OSBPL10: variants seen among roughly 807,000 people sequenced by gnomAD.
OSBPL10 encodes oxysterol binding protein like 10, also known as oxysterol-binding protein-related protein 10.
OSBPL10 carries 49 observed loss-of-function variants against 81.7 expected under a neutral mutation model. That is an observed-to-expected ratio of 0.60 (90% CI 0.48 to 0.76). The LOEUF (loss-of-function observed/expected upper bound fraction) is 0.76, where lower values mean the gene tolerates loss of function less well. Ranked by LOEUF, OSBPL10 falls within the 30% of genes least tolerant of loss-of-function variation. The pLI, the probability that OSBPL10 is intolerant of heterozygous loss-of-function variation, is 0.00. For synonymous variants in OSBPL10, 419 were observed against 383.6 expected (o/e 1.09, Z -1.08); for missense variants, 923 against 987.8 (o/e 0.93, Z 0.88).
At chr3:31,963,325 C>T (rs1698222641) in intron 1 of OSBPL10, among the ~76,000 whole-genome samples, 1 of 152,038 alleles carries the variant, frequency 6.6e-6, no homozygotes, top group Non-Finnish European at 1.5e-5. Context: ...GTAGACATCT[C>T]CCTTTATTCT....
intron 1 of OSBPL10, among the ~76,000 whole-genome samples, chr3:31,941,342 A>T (rs1210855392): frequency 2.0e-5 from 3 of 152,206 alleles, no homozygotes; most frequent in Non-Finnish European, 4.4e-5. Flanking sequence ...CTTATTGGGT[A>T]AATAAATGAA....
chr3:31,965,228 G>A (rs1323860157), intron 1 of OSBPL10, among the ~76,000 whole-genome samples: 3 of 150,250 alleles, frequency 2.0e-5, no homozygotes, highest in African/African-American at 7.4e-5. Context: ...AAATTAGCCG[G>A]GCGTGGTGGT....
intron 1 of OSBPL10, among the ~76,000 whole-genome samples, chr3:32,055,924 C>A (rs528073163): frequency 6.6e-6 from 1 of 152,264 alleles, no homozygotes; most frequent in African/African-American, 2.4e-5. Context: ...ATGTGTAAAC[C>A]CATGGCTGGC....
chr3:31,758,844 G>A lies in OSBPL10; in HGVS notation c.730-10724C>T, dbSNP rs773910834. On this transcript the variant is annotated intron_variant, in intron 4 of 11. Transcript: ENST00000396556. ...TATGTATATTTGGCCACCTTGTTCAGTATAAATCCTGTCTTATTCTTCCCA... is the reference window on the plus strand; with the variant it reads ...TATGTATATTTGGCCACCTTGTTCAATATAAATCCTGTCTTATTCTTCCCA... Among the ~76,000 whole-genome samples the A allele has an allele frequency of 5.1e-4, 78 of 152,140 alleles. 1 individual carries two copies. The highest frequency in any genetic ancestry group is 2.1e-4 in the Non-Finnish European group (14 of 68,028).
intron 1 of OSBPL10, among the ~76,000 whole-genome samples, chr3:31,884,968 C>T (rs897994597): frequency 1.3e-5 from 2 of 151,900 alleles, no homozygotes; most frequent in Admixed American, 6.6e-5. Flanking sequence ...GGGAAGAAAG[C>T]GAACAAACCC....
chr3:32,029,676 A>G (rs1173429009), intron 2 of OSBPL10, among the ~76,000 whole-genome samples: 1 of 152,236 alleles, frequency 6.6e-6, no homozygotes, highest in African/African-American at 2.4e-5. Flanking sequence ...CAGCTTGACT[A>G]CCAAGGAATC....
chr3:31,907,619 CAAAAAAAAAAAAAAA>C (rs142840420), intron 1 of OSBPL10, among the ~76,000 whole-genome samples: 29 of 63,864 alleles, frequency 4.5e-4, no homozygotes, highest in African/African-American at 1.1e-3. Context: ...ACCTCCATCT[CAAAAAAAAAAAAAAA>C]AAAAAAAAAA....
chr3:31,953,466 G>A (rs1419832475), intron 1 of OSBPL10, among the ~76,000 whole-genome samples: 3 of 151,860 alleles, frequency 2.0e-5, no homozygotes. Context: ...GGAGTGCAGT[G>A]GCTTGATCAC....
At position 31,727,377 on chromosome 3, in the gene OSBPL10, AG is replaced by A. The variant is rs569555612; in HGVS notation, c.1095+5879del. 2.0e-4 allele frequency among the ~76,000 whole-genome samples: 30 copies of A among 150,406 alleles called. No homozygotes were observed. In the East Asian group the frequency reaches 5.6e-3, roughly 28 times the overall value. Reference sequence around the variant, plus strand: ...ACTATTCTAAGATTTAGTGAATCAAAGGTCATGATTCAAAGGAAAAAAAAAA... The same window carrying A: ...ACTATTCTAAGATTTAGTGAATCAAAGTCATGATTCAAAGGAAAAAAAAAA... On this transcript the variant is annotated intron_variant, in intron 6 of 11. Transcript: ENST00000396556.
intron 10 of OSBPL10, among the ~76,000 whole-genome samples, chr3:31,666,399 C>G (rs1245296098): frequency 6.6e-6 from 1 of 152,236 alleles, no homozygotes; most frequent in Non-Finnish European, 1.5e-5. Flanking sequence ...TCACCAAGGG[C>G]TGGCACCACT....
chr3:31,966,856 T>G (rs1194249370), intron 1 of OSBPL10, among the ~76,000 whole-genome samples: 1 of 152,182 alleles, frequency 6.6e-6, no homozygotes, highest in Non-Finnish European at 1.5e-5. Context: ...CTGTTCAGTG[T>G]CATTAGCTAT....
rs367918425 is a variant in OSBPL10 at position 31,879,271 on chromosome 3, G to A, written c.457+384C>T. On this transcript the variant is annotated intron_variant, in intron 2 of 11. Coordinates refer to ENST00000396556, the MANE Select transcript of OSBPL10 (RefSeq NM_017784.5). ...AACGGTTCTAGAGAAACTTTGGGGG[G>A]AAAACACTAGGACCCTTAAAGGTCT... 7.1e-4 allele frequency: 111 copies of A among 157,250 alleles called. 5 individuals are homozygous for A. The East Asian group carries it at 0.019, about 27-fold the overall frequency. 9.7% of individuals were successfully genotyped at this position (157,250 alleles called of 1,614,324 possible). A position where few individuals can be genotyped will look rare whatever the true frequency, so the allele number is the denominator to read the frequency against.
chr3:31,667,612 G>A (rs370596510), intron 10 of OSBPL10, among the ~76,000 whole-genome samples: 1 of 152,162 alleles, frequency 6.6e-6, no homozygotes, highest in Admixed American at 6.5e-5. Context: ...TCTAAAGAGT[G>A]TATGCTCTTA....
chr3:31,949,484 C>T (rs1344541875), intron 1 of OSBPL10, among the ~76,000 whole-genome samples: 2 of 151,544 alleles, frequency 1.3e-5, no homozygotes, highest in African/African-American at 2.4e-5. Flanking sequence ...CTGGCTAACA[C>T]GGTGAAACTC....
upstream of OSBPL10, among the ~76,000 whole-genome samples, chr3:31,982,791 G>A (rs1436402768): frequency 1.3e-5 from 2 of 152,340 alleles, no homozygotes; most frequent in African/African-American, 4.8e-5. Context: ...GATACCGGCT[G>A]TAATAAACTA....
chr3:31,770,927 A>C (rs1483730342), intron 4 of OSBPL10, among the ~76,000 whole-genome samples: 1 of 152,188 alleles, frequency 6.6e-6, no homozygotes, highest in Non-Finnish European at 1.5e-5. Flanking sequence ...CATTCTAGGA[A>C]GTGGCACAGT....
rs887294186 is a variant in OSBPL10, at chr3:31,886,110, C to T, written c.282-6280G>A. On this transcript the variant is annotated intron_variant, in intron 1 of 11. Transcript: ENST00000396556. ...ACAGCCAGAAGTTAGAGCCAAACTACAAGAGAATTACAAACATGCATGAAA... is the reference window on the plus strand; with the variant it reads ...ACAGCCAGAAGTTAGAGCCAAACTATAAGAGAATTACAAACATGCATGAAA... 5.3e-5 allele frequency among the ~76,000 whole-genome samples: 8 copies of T among 151,436 alleles called. No homozygotes were observed. The East Asian group carries it at 7.8e-4, about 15-fold the overall frequency.
intron 4 of OSBPL10, among the ~76,000 whole-genome samples, chr3:31,781,777 C>G (rs1480893104): frequency 2.6e-5 from 4 of 152,096 alleles, no homozygotes; most frequent in African/African-American, 7.2e-5. Context: ...ACAAGGAAAA[C>G]TAGAGAACAC....
intron 3 of OSBPL10, among the ~76,000 whole-genome samples, chr3:31,861,966 T>C (rs1303603298): frequency 6.6e-6 from 1 of 151,936 alleles, no homozygotes; most frequent in South Asian, 2.1e-4. Context: ...TCCAGTAGGG[T>C]AGTAAATATT....
Sources: allele counts gnomAD v4.1 joint callset (sites outside exome capture counted in the v4.1 genomes callset), GRCh38; gene constraint gnomAD v4.1.1; transcripts MANE v1.5; gene names NCBI Gene and HGNC (gene_info 2026-07-23, HGNC 2026-07-21).